Variants in CFAP45 observed in about 807,000 individuals in gnomAD.
CFAP45 encodes cilia and flagella associated protein 45.
In CFAP45, 43 loss-of-function variants were observed where a neutral mutation model predicts 75.6. That is an observed-to-expected ratio of 0.57 (90% CI 0.45 to 0.73). CFAP45 has a LOEUF of 0.73. Among genes scored for constraint, CFAP45 ranks in the 30% least tolerant of loss-of-function variants. The pLI, the probability that CFAP45 is intolerant of heterozygous loss-of-function variation, is 0.00. For synonymous variants in CFAP45, 223 were observed against 244.6 expected (o/e 0.91, Z 0.82); for missense variants, 689 against 701.5 (o/e 0.98, Z 0.20).
At chr1:159,890,302 G>A (rs1453206451) in intron 3 of CFAP45, among the ~76,000 whole-genome samples, 178 bp downstream of exon 3, 1 of 152,220 alleles carries the variant, frequency 6.6e-6, no homozygotes, top group African/African-American at 2.4e-5. Flanking sequence ...GGAGAAACAA[G>A]AGAGGCCAGG....
chr1:159,880,077 CAT>C (rs1273846528), intron 8 of CFAP45, among the ~76,000 whole-genome samples: 1 of 152,194 alleles, frequency 6.6e-6, no homozygotes, highest in Non-Finnish European at 1.5e-5. Flanking sequence ...CTCCACTGTG[CAT>C]TTGCTCTGTC....
At chr1:159,876,005 C>A (rs1031301009) in intron 10 of CFAP45, among the ~76,000 whole-genome samples, 1 of 152,250 alleles carries the variant, frequency 6.6e-6, no homozygotes, top group African/African-American at 2.4e-5. Context: ...ACACAAATCT[C>A]TAATACCTTT....
intron 6 of CFAP45, 122 bp downstream of exon 6, chr1:159,886,389 T>G: frequency 2.7e-5 from 24 of 895,590 alleles, no homozygotes; most frequent in Non-Finnish European, 4.1e-5. Context: ...CGTAAAGTTT[T>G]GAGATAATAA....
chr1:159,899,946 C>A (rs538406393), intron 1 of CFAP45, 150 bp downstream of exon 1: 1 of 717,252 alleles, frequency 1.4e-6, no homozygotes, highest in Non-Finnish European at 2.3e-6. Flanking sequence ...ACCTCAGGAT[C>A]TCCCTTGCTT....
intron 10 of CFAP45, among the ~76,000 whole-genome samples, chr1:159,875,623 C>T (rs1474014485): frequency 6.6e-6 from 1 of 152,252 alleles, no homozygotes. Context: ...ACTGTTTAAT[C>T]TCTACTTATC....
chr1:159,888,556 C>CTCAGCACCTCACTTG, intron 3 of CFAP45, 60 bp from the exon 4 acceptor site: 1 of 1,479,986 alleles, frequency 6.8e-7, no homozygotes. Context: ...CACCACACTT[C>CTCAGCACCTCACTTG]AGGCTTCTCT....
In CFAP45 at chr1:159,891,820, T is replaced by C. The variant is rs1649836374; in HGVS notation, c.130-1198A>G. The stretch of plus-strand genomic sequence containing the variant: ...GAGAGACTTCCTGAACTCTTACCCA[T>C]CAATGAGGCCAAAGAAACTGGACAA... On this transcript the variant is annotated intron_variant, in intron 2 of 11. Coordinates refer to ENST00000368099, the MANE Select transcript of CFAP45 (RefSeq NM_012337.3). 2.0e-5 allele frequency among the ~76,000 whole-genome samples: 3 copies of C among 152,110 alleles called. No individual in the cohort carries two copies. The South Asian group carries it at 6.2e-4, about 32-fold the overall frequency.
chr1:159,887,732 C>A (rs1293442949), intron 5 of CFAP45, 109 bp downstream of exon 5: 50 of 1,088,788 alleles, frequency 4.6e-5, no homozygotes, highest in East Asian at 7.8e-5. Flanking sequence ...CCCCGCCCCA[C>A]CCCTGCCCAC....
intron 2 of CFAP45, 92 bp downstream of exon 2, chr1:159,893,088 C>G (rs762187125): frequency 7.0e-7 from 1 of 1,429,112 alleles, no homozygotes; most frequent in Non-Finnish European, 9.8e-7. Context: ...CCTACGAGAG[C>G]AAGGTTACTC....
chr1:159,879,149 A>G (rs1649488780), intron 8 of CFAP45, among the ~76,000 whole-genome samples: 1 of 152,184 alleles, frequency 6.6e-6, no homozygotes, highest in Non-Finnish European at 1.5e-5. Context: ...TTAGAAATTC[A>G]TGGCGACTCC....
chr1:159,897,425 A>T (rs763209781), intron 1 of CFAP45, among the ~76,000 whole-genome samples: 1 of 152,000 alleles, frequency 6.6e-6, no homozygotes, highest in Non-Finnish European at 1.5e-5. Flanking sequence ...TCTACAAAAA[A>T]TACAAAAATT....
chr1:159,888,602 C>A, intron 3 of CFAP45, 106 bp from the exon 4 acceptor site: 1 of 1,048,740 alleles, frequency 9.5e-7, no homozygotes, highest in East Asian at 2.4e-5. Context: ...CCAGTGGACT[C>A]CCCCAATGGC....
intron 3 of CFAP45, among the ~76,000 whole-genome samples, chr1:159,890,155 G>A (rs1455103538): frequency 6.6e-6 from 1 of 152,134 alleles, no homozygotes; most frequent in Non-Finnish European, 1.5e-5. Context: ...CTTTAGGGAG[G>A]GTACTAATGG....
rs1240638213 is a variant in CFAP45, at chr1:159,893,206, C to T, written c.103G>A (p.Asp35Asn). 7 of 1,614,068 alleles carry T rather than the reference C, an allele frequency of 4.3e-6. No homozygotes were observed. Among genetic ancestry groups the T allele is most frequent in the African/African-American group, 1.3e-5 (1 of 75,046 alleles). ...TTGATATCTCCAAAGAGGCTCTCAT[C>T]CACCTCAGAGCTCACGGCTTTGGTC... ...YRTKAVSSEV[D>N]ESLFGDIKSP... Residue 35 changes from aspartate to asparagine, a missense_variant, in exon 2 of 12, where the codon GAT (aspartate) becomes AAT (asparagine). Asp to Asn is a conservative substitution (Grantham distance 23). Coordinates refer to ENST00000368099, the MANE Select transcript of CFAP45 (RefSeq NM_012337.3).
intron 1 of CFAP45, 159 bp downstream of exon 1, chr1:159,899,937 C>A: frequency 4.4e-6 from 3 of 685,774 alleles, no homozygotes; most frequent in Non-Finnish European, 2.5e-6. Context: ...TTTGAACCCA[C>A]CTCAGGATCT....
At chr1:159,883,653 T>TAC (rs1171598883) in intron 7 of CFAP45, among the ~76,000 whole-genome samples, 17 of 133,594 alleles carry the variant, frequency 1.3e-4, no homozygotes, top group Admixed American at 5.2e-4. Flanking sequence ...TATATATATA[T>TAC]ACACACACAC....
At position 159,900,134 on chromosome 1, in the gene CFAP45, T is replaced by TGCCGCCTCGGC. The variant is rs1650041844; in HGVS notation, c.-47_-37dup. 1 of 1,613,962 alleles carries TGCCGCCTCGGC rather than the reference T, an allele frequency of 6.2e-7. No individual in the cohort carries two copies. The highest frequency in any genetic ancestry group is 1.3e-5 in the African/African-American group (1 of 74,940). On this transcript the variant is annotated 5_prime_UTR_variant, in exon 1 of 12. Transcript: ENST00000368099. ...ACACGCCCTGACTCCGGACTTCTGC[T>TGCCGCCTCGGC]GCCGCCTCGGCGCCGCCAAGGCCCT...
At chr1:159,891,003 C>A (rs989792135) in intron 2 of CFAP45, among the ~76,000 whole-genome samples, 3 of 152,162 alleles carry the variant, frequency 2.0e-5, no homozygotes, top group Non-Finnish European at 4.4e-5. Context: ...AGATGATCCG[C>A]CCGCCTGGGC....
rs1649838920 is a variant in CFAP45, at chr1:159,891,936, A to G, written c.129+1244T>C. Among the ~76,000 whole-genome samples, 5 of 152,284 alleles carry G rather than the reference A, an allele frequency of 3.3e-5. No individual in the cohort carries two copies. The South Asian group carries it at 1.0e-3, about 32-fold the overall frequency. On this transcript the variant is annotated intron_variant, in intron 2 of 11. Coordinates refer to ENST00000368099, the MANE Select transcript of CFAP45 (RefSeq NM_012337.3). Reference sequence around the variant, plus strand: ...CAATTCCAAATCTCTCTTTGCTTTGACTAGAAAACTCCACATGTACCCAAA... The same window carrying G: ...CAATTCCAAATCTCTCTTTGCTTTGGCTAGAAAACTCCACATGTACCCAAA...
Sources: allele counts gnomAD v4.1 joint callset (sites outside exome capture counted in the v4.1 genomes callset), GRCh38; gene constraint gnomAD v4.1.1; transcripts MANE v1.5; gene names NCBI Gene and HGNC (gene_info 2026-07-23, HGNC 2026-07-21).